PARVA: variants seen among roughly 807,000 people sequenced by gnomAD.
PARVA encodes the protein alpha-parvin.
In PARVA, 25 loss-of-function variants were observed where a neutral mutation model predicts 52.6. The ratio of observed to expected loss-of-function variants is 0.48; its 90% confidence interval spans 0.35 to 0.66. PARVA has a LOEUF of 0.66. Among genes scored for constraint, PARVA ranks in the 30% least tolerant of loss-of-function variants. The pLI, the probability that PARVA is intolerant of heterozygous loss-of-function variation, is 0.01. For synonymous variants in PARVA, 185 were observed against 179.1 expected, an observed-to-expected ratio of 1.03 and a Z score of -0.26; for missense variants, 373 against 450.9, an observed-to-expected ratio of 0.83 and a Z score of 1.56.
chr11:12,504,568 ACTGAATGAGCTTTCTGTTG>A, intron 6 of PARVA, 139 bp downstream of exon 6: 1 of 627,030 alleles, frequency 1.6e-6, no homozygotes, highest in South Asian at 2.0e-5. Context: ...ATTGGGAGGC[ACTGAATGAGCTTTCTGTTG>A]CATGTTGGCT....
intron 3 of PARVA, 149 bp from the exon 4 acceptor site, chr11:12,477,698 C>T (rs1941033688): frequency 1.8e-6 from 1 of 567,098 alleles, no homozygotes; most frequent in African/African-American, 1.9e-5. Flanking sequence ...GCCTAGGCAA[C>T]ATAGTGAGAC....
chr11:12,502,449 A>G (rs1478689803), intron 5 of PARVA, among the ~76,000 whole-genome samples: 1 of 152,068 alleles, frequency 6.6e-6, no homozygotes, highest in Non-Finnish European at 1.5e-5. Context: ...CCCTGTAATG[A>G]AGAGCCGTGA....
chr11:12,423,552 T>C (rs761799448), intron 1 of PARVA, among the ~76,000 whole-genome samples: 1 of 152,202 alleles, frequency 6.6e-6, no homozygotes, highest in Non-Finnish European at 1.5e-5. Context: ...CTCTCTCTGC[T>C]ATAGCTGGGA....
intron 4 of PARVA, among the ~76,000 whole-genome samples, chr11:12,493,355 C>A (rs1368301279): frequency 8.4e-5 from 11 of 130,562 alleles, no homozygotes; most frequent in African/African-American, 2.3e-4. Context: ...GACTCCATCT[C>A]AAAAAAAAAA....
At chr11:12,422,740 A>G (rs1940169464) in intron 1 of PARVA, among the ~76,000 whole-genome samples, 1 of 152,176 alleles carries the variant, frequency 6.6e-6, no homozygotes, top group South Asian at 2.1e-4. Context: ...TGATGACAAT[A>G]TATGTTTATC....
At chr11:12,473,886 C>A in intron 2 of PARVA, 27 bp from the exon 3 acceptor site, 1 of 1,564,210 alleles carries the variant, frequency 6.4e-7, no homozygotes, top group African/African-American at 1.4e-5. Context: ...TGCCAGCACC[C>A]CCACTGAATT....
At chr11:12,402,299 T>C (rs1469592901) in intron 1 of PARVA, among the ~76,000 whole-genome samples, 1 of 152,094 alleles carries the variant, frequency 6.6e-6, no homozygotes, top group Non-Finnish European at 1.5e-5. Context: ...AGCAAAACCA[T>C]AACTGCCAAT....
intron 1 of PARVA, among the ~76,000 whole-genome samples, chr11:12,412,648 CAT>C (rs909084041): frequency 1.3e-5 from 2 of 152,174 alleles, no homozygotes; most frequent in African/African-American, 4.8e-5. Context: ...GTTCTTTAAA[CAT>C]GTGTGGGCCC....
At chr11:12,459,629 G>A (rs1478640998) in intron 1 of PARVA, among the ~76,000 whole-genome samples, 3 of 152,000 alleles carry the variant, frequency 2.0e-5, no homozygotes, top group South Asian at 2.1e-4. Flanking sequence ...GGTTATGTAC[G>A]GTGTGTACCT....
chr11:12,409,365 CTA>C (rs1367453256), intron 1 of PARVA, among the ~76,000 whole-genome samples: 22 of 152,172 alleles, frequency 1.4e-4, no homozygotes, highest in African/African-American at 5.3e-4. Context: ...CCGAAAGTGT[CTA>C]TGTCCTAATC....
At chr11:12,404,655 A>G (rs1939876052) in intron 1 of PARVA, among the ~76,000 whole-genome samples, 2 of 152,212 alleles carry the variant, frequency 1.3e-5, no homozygotes, top group South Asian at 4.1e-4. Flanking sequence ...GACTGAAAGA[A>G]AGTGCTGAAT....
At chr11:12,401,032 A>C (rs185778083) in intron 1 of PARVA, among the ~76,000 whole-genome samples, 5 of 152,346 alleles carry the variant, frequency 3.3e-5, no homozygotes, top group Admixed American at 3.3e-4. Context: ...TTTATCAATA[A>C]GACAGTGATT....
intron 1 of PARVA, among the ~76,000 whole-genome samples, chr11:12,460,811 A>G (rs1940766667): frequency 6.6e-6 from 1 of 152,156 alleles, no homozygotes; most frequent in Admixed American, 6.5e-5. Flanking sequence ...AGATGAAGAG[A>G]GGAAACTTAA....
chr11:12,511,176 C>CTGAG (rs1381769487), intron 7 of PARVA, among the ~76,000 whole-genome samples: 1 of 152,190 alleles, frequency 6.6e-6, no homozygotes, highest in Non-Finnish European at 1.5e-5. Context: ...TCTTCAGCCC[C>CTGAG]TGAGTCCAAT....
intron 1 of PARVA, among the ~76,000 whole-genome samples, chr11:12,401,742 A>G (rs978434285): frequency 3.3e-5 from 5 of 152,232 alleles, no homozygotes; most frequent in African/African-American, 1.2e-4. Context: ...TTGGGAAACC[A>G]TGATCGCAGG....
intron 5 of PARVA, among the ~76,000 whole-genome samples, chr11:12,496,827 C>CTT (rs1444603571): frequency 1.3e-5 from 2 of 152,214 alleles, no homozygotes; most frequent in Non-Finnish European, 2.9e-5. Flanking sequence ...CTGTAAAAGG[C>CTT]TTTGCATAGA....
Position 12,410,585 on chromosome 11 carries a change from C to T in PARVA, c.136+32802C>T, listed in dbSNP as rs926480067. Among the ~76,000 whole-genome samples the T allele has an allele frequency of 3.1e-4, 47 of 152,212 alleles. 1 individual carries two copies. The highest frequency in any genetic ancestry group is 1.3e-4 in the Admixed American group (2 of 15,286). ...GGAAGTTCATTCTCTCTCGTTGCTT[C>T]TCCTCCTCCTTTTGGAGACATCACT... is the stretch of plus-strand genomic sequence containing the variant. On this transcript the variant is annotated intron_variant, in intron 1 of 12. Coordinates refer to ENST00000334956, the MANE Select transcript of PARVA (RefSeq NM_018222.5).
chr11:12,501,718 G>A (rs999103624), intron 5 of PARVA, among the ~76,000 whole-genome samples: 2 of 152,070 alleles, frequency 1.3e-5, no homozygotes, highest in African/African-American at 4.8e-5. Context: ...CTTTGTACAC[G>A]TAGCGTAGTA....
At chr11:12,390,049 A>G (rs562806723) in intron 1 of PARVA, among the ~76,000 whole-genome samples, 27 of 152,268 alleles carry the variant, frequency 1.8e-4, no homozygotes, top group African/African-American at 4.3e-4. Context: ...AATGCAGCCC[A>G]TCTCTTGGGG....
Sources: allele counts gnomAD v4.1 joint callset (sites outside exome capture counted in the v4.1 genomes callset), GRCh38; gene constraint gnomAD v4.1.1; transcripts MANE v1.5; gene names NCBI Gene and HGNC (gene_info 2026-07-23, HGNC 2026-07-21).